Variants in NHS observed in about 807,000 individuals in gnomAD.
NHS encodes NHS actin remodeling regulator.
In NHS, 5 loss-of-function variants were observed where a neutral mutation model predicts 72.5. That is an observed-to-expected ratio of 0.07 (90% confidence interval 0.04 to 0.14). The LOEUF (loss-of-function observed/expected upper bound fraction) is 0.14, where lower values mean the gene tolerates loss of function less well. NHS is among the 10% of genes least tolerant of loss of function. The pLI is 1.00. For missense variants in NHS, 1,072 were observed against 1,355.7 expected (o/e 0.79, Z 3.29); for synonymous variants, 464 against 547.7 (o/e 0.85, Z 2.13).
intron 1 of NHS, among the ~76,000 whole-genome samples, chrX:17,510,126 A>G (rs2065080178): frequency 8.9e-6 from 1 of 112,593 alleles, no homozygotes; most frequent in African/African-American, 3.2e-5. Flanking sequence ...GTTGACTACA[A>G]CTAGAAACTG....
At chrX:17,673,175 G>GAA (rs1160747579) in intron 1 of NHS, among the ~76,000 whole-genome samples, 1 of 72,150 alleles carries the variant, frequency 1.4e-5, no homozygotes, top group East Asian at 4.7e-4. Flanking sequence ...GCTGGAAGAT[G>GAA]AAACACACAC....
At chrX:17,428,382 T>C (rs1299699058) in intron 1 of NHS, among the ~76,000 whole-genome samples, 1 of 112,672 alleles carries the variant, frequency 8.9e-6, no homozygotes, top group East Asian at 2.8e-4. Context: ...AATATGGCAC[T>C]GTGGCCTTCA....
At chrX:17,472,329 C>G (rs201598871) in intron 1 of NHS, among the ~76,000 whole-genome samples, 2 of 109,507 alleles carry the variant, frequency 1.8e-5, no homozygotes, top group Admixed American at 9.8e-5. Flanking sequence ...GAGAGAGAGA[C>G]AGAGAGAGAC....
rs751033448 is a variant in NHS at position 17,399,747 on chromosome X, A to G, written c.565+23425A>G. Among the ~76,000 whole-genome samples, 11 of 112,248 alleles carry G rather than the reference A, an allele frequency of 9.8e-5. No individual in the cohort carries two copies. The Admixed American group carries it at 1.0e-3, about 11-fold the overall frequency. ...AAGATACGGATTGTTACAGTGAAAT[A>G]AGATGGGGAAGATGGCTGGAAATTG... On this transcript the variant is annotated intron_variant, in intron 1 of 8. Coordinates refer to ENST00000676302, the MANE Select transcript of NHS (RefSeq NM_001291867.2).
intron 1 of NHS, among the ~76,000 whole-genome samples, chrX:17,562,070 T>C (rs16980625): frequency 0.033 from 3,704 of 111,263 alleles, 119 homozygotes; most frequent in African/African-American, 0.083. Flanking sequence ...ATGCTACTGT[T>C]CTGAAATTGT....
chrX:17,638,302 G>T (rs2065861325), intron 1 of NHS, among the ~76,000 whole-genome samples: 1 of 112,070 alleles, frequency 8.9e-6, no homozygotes, highest in African/African-American at 3.2e-5. Flanking sequence ...TTATGGCAAA[G>T]ACCATTTTGT....
At position 17,726,529 on chromosome X, in the gene NHS, G is replaced by C; in HGVS notation, c.2423G>C (p.Gly808Ala). 8.3e-7 allele frequency: 1 copy of C among 1,211,839 alleles called. No individual in the cohort carries two copies. Among genetic ancestry groups the C allele is most frequent in the Non-Finnish European group, 1.1e-6 (1 of 895,445 alleles). Reference sequence around the variant, plus strand: ...TATGTCTGTCACTATGCAGCCCTGGGCCCAGAGAATGGCCAGGGTGTAGGG... The same window carrying C: ...TATGTCTGTCACTATGCAGCCCTGGCCCCAGAGAATGGCCAGGGTGTAGGG... ...KSYVCHYAAL[G>A]PENGQGVGAS... The change falls in exon 7 of 9, where the codon GGC becomes GCC. Residue 808 changes from glycine to alanine, a missense_variant. By Grantham distance (60) the Gly-to-Ala change is moderately conservative. Transcript: ENST00000676302.
At chrX:17,614,177 C>G (rs1046882499) in intron 1 of NHS, among the ~76,000 whole-genome samples, 1 of 112,239 alleles carries the variant, frequency 8.9e-6, no homozygotes, top group Non-Finnish European at 1.9e-5. Flanking sequence ...TAGCTATAAG[C>G]AGTGGCCCTC....
In NHS at chrX:17,564,969, A is replaced by ATTTTTTTTTTTTTTTTTTTTTT; in HGVS notation, c.566-122764_566-122763insTTTTTTTTTTTTTTTTTTTTTT. Among the ~76,000 whole-genome samples the ATTTTTTTTTTTTTTTTTTTTTT allele has an allele frequency of 2.0e-5, 2 of 99,944 alleles. 1 individual carries two copies. Among genetic ancestry groups the ATTTTTTTTTTTTTTTTTTTTTT allele is most frequent in the African/African-American group, 9.2e-5 (2 of 21,739 alleles). 86.8% of individuals were successfully genotyped at this position (99,944 alleles called of 115,157 possible). A position where few individuals can be genotyped will look rare whatever the true frequency, so the allele number is the denominator to read the frequency against. Reference sequence around the variant, plus strand: ...CCTGTGGCAAATTGGGTACAGCCACATTTTTTTTTATTTATTTTTTTTTTT... The same window carrying ATTTTTTTTTTTTTTTTTTTTTT: ...CCTGTGGCAAATTGGGTACAGCCACATTTTTTTTTTTTTTTTTTTTTTTTTTTTTTTATTTATTTTTTTTTTT... On this transcript the variant is annotated intron_variant, in intron 1 of 8. Coordinates refer to ENST00000676302, the MANE Select transcript of NHS (RefSeq NM_001291867.2).
rs1051147296 is a variant in NHS, at chrX:17,443,574, A to G, written c.565+67252A>G. 3.6e-5 allele frequency among the ~76,000 whole-genome samples: 4 copies of G among 111,642 alleles called. No individual in the cohort carries two copies. In the Admixed American group the frequency reaches 3.8e-4, roughly 11 times the overall value. On this transcript the variant is annotated intron_variant, in intron 1 of 8. Transcript: ENST00000676302. ...CACCACTGAGTGAGCCCAGCAGTGG[A>G]GATGAGTCTCCTGGGCTCCTTGATG...
intron 3 of NHS, 149 bp downstream of exon 3, chrX:17,692,617 C>T: frequency 1.4e-6 from 1 of 730,128 alleles, no homozygotes; most frequent in African/African-American, 2.1e-5. Context: ...ATTTCCCTTC[C>T]TTTCATTCCT....
At chrX:17,407,966 G>T (rs1381877405) in intron 1 of NHS, among the ~76,000 whole-genome samples, 2 of 111,101 alleles carry the variant, frequency 1.8e-5, no homozygotes, top group African/African-American at 6.5e-5. Flanking sequence ...TACCCACCCC[G>T]TTATTTATTG....
chrX:17,653,842 T>G (rs770232829), intron 1 of NHS, among the ~76,000 whole-genome samples: 2 of 111,874 alleles, frequency 1.8e-5, no homozygotes, highest in East Asian at 5.6e-4. Flanking sequence ...CTTGTTAACA[T>G]ACAGATGGCC....
At chrX:17,696,937 G>A (rs2066234472) in intron 3 of NHS, among the ~76,000 whole-genome samples, 1 of 111,548 alleles carries the variant, frequency 9.0e-6, no homozygotes, top group African/African-American at 3.3e-5. Flanking sequence ...GTGAGGGAGG[G>A]CAGATTCAGA....
intron 1 of NHS, among the ~76,000 whole-genome samples, chrX:17,441,236 C>T (rs867445006): frequency 5.3e-5 from 6 of 112,323 alleles, no homozygotes; most frequent in African/African-American, 6.5e-5. Context: ...ACCTACCATC[C>T]GTAATCTCAA....
chrX:17,663,075 A>G (rs762615304), intron 1 of NHS, among the ~76,000 whole-genome samples: 1 of 111,703 alleles, frequency 9.0e-6, no homozygotes, highest in Non-Finnish European at 1.9e-5. Flanking sequence ...CATTCAACAA[A>G]TGTGGACTCC....
At chrX:17,607,492 AGAG>A (rs1380413091) in intron 1 of NHS, among the ~76,000 whole-genome samples, 1 of 111,878 alleles carries the variant, frequency 8.9e-6, no homozygotes, top group African/African-American at 3.3e-5. Flanking sequence ...AAGTAAGGAA[AGAG>A]GAGGAAGGAG....
At chrX:17,517,884 G>A (rs1292463667) in intron 1 of NHS, among the ~76,000 whole-genome samples, 1 of 111,781 alleles carries the variant, frequency 8.9e-6, no homozygotes, top group African/African-American at 3.3e-5. Context: ...CCTGAGAAGA[G>A]TTCCATGGAG....
At chrX:17,586,416 A>C (rs773472560) in intron 1 of NHS, 103 of 112,437 alleles carry the variant, frequency 9.2e-4, no homozygotes, top group African/African-American at 3.2e-3. Context: ...ATACAAAGGA[A>C]AGCATACAAT....
Sources: allele counts gnomAD v4.1 joint callset (sites outside exome capture counted in the v4.1 genomes callset), GRCh38; gene constraint gnomAD v4.1.1; transcripts MANE v1.5; gene names NCBI Gene and HGNC (gene_info 2026-07-23, HGNC 2026-07-21).